The following GOLPH3 variants were observed in gnomAD, a reference collection of about 807,000 sequenced individuals.
GOLPH3 encodes coat protein GPP34.
Under a neutral mutation model 28.5 loss-of-function variants are expected in GOLPH3, and 14 were observed. That is an observed-to-expected ratio of 0.49 (90% CI 0.32 to 0.77). The LOEUF (loss-of-function observed/expected upper bound fraction) is 0.77, where lower values mean the gene tolerates loss of function less well. GOLPH3 is among the 30% of genes least tolerant of loss of function. GOLPH3 has a pLI of 0.03. For missense variants in GOLPH3, 350 were observed against 393.7 expected (o/e 0.89, Z 0.94); for synonymous variants, 158 against 159.2 (o/e 0.99, Z 0.06).
chr5:32,155,975 A>T, intron 1 of GOLPH3, among the ~76,000 whole-genome samples: 1 of 125,808 alleles, frequency 7.9e-6, no homozygotes, highest in Admixed American at 7.3e-5. Context: ...AAAAAAAAAA[A>T]AAAAAAAAAA....
chr5:32,163,846 G>A (rs997052370), intron 1 of GOLPH3, among the ~76,000 whole-genome samples: 1 of 152,084 alleles, frequency 6.6e-6, no homozygotes, highest in African/African-American at 2.4e-5. Context: ...TTCAGTGACT[G>A]AACTGAAATT....
At chr5:32,142,968 G>A (rs1045778029) in intron 2 of GOLPH3, among the ~76,000 whole-genome samples, 2 of 152,178 alleles carry the variant, frequency 1.3e-5, no homozygotes, top group Non-Finnish European at 2.9e-5. Flanking sequence ...AGCTCACTGA[G>A]AACGGGCCAT....
intron 1 of GOLPH3, among the ~76,000 whole-genome samples, chr5:32,169,796 C>A (rs1581560224): frequency 6.6e-6 from 1 of 152,160 alleles, no homozygotes. Flanking sequence ...TGTAAACTAT[C>A]TGCCATCCTT....
At chr5:32,131,711 C>G (rs537552650) in intron 3 of GOLPH3, among the ~76,000 whole-genome samples, 1 of 152,108 alleles carries the variant, frequency 6.6e-6, no homozygotes, top group African/African-American at 2.4e-5. Flanking sequence ...GAAGTAAATA[C>G]GGAGAGGAAA....
chr5:32,149,733 A>G (rs1230118969), intron 1 of GOLPH3, among the ~76,000 whole-genome samples: 3 of 152,238 alleles, frequency 2.0e-5, no homozygotes, highest in Admixed American at 2.0e-4. Context: ...ACTGTGGCTC[A>G]CGCCTGTAAT....
chr5:32,153,541 A>G (rs1296400708), intron 1 of GOLPH3, among the ~76,000 whole-genome samples: 1 of 152,220 alleles, frequency 6.6e-6, no homozygotes. Flanking sequence ...TAATAAAAAT[A>G]CTACAAAGAA....
intron 2 of GOLPH3, among the ~76,000 whole-genome samples, chr5:32,139,933 G>A (rs1746019429): frequency 6.6e-6 from 1 of 152,102 alleles, no homozygotes; most frequent in African/African-American, 2.4e-5. Flanking sequence ...AAACAGGAGA[G>A]TCACAATAAA....
chr5:32,154,492 G>A (rs1746375466), intron 1 of GOLPH3, among the ~76,000 whole-genome samples: 1 of 152,182 alleles, frequency 6.6e-6, no homozygotes, highest in Non-Finnish European at 1.5e-5. Flanking sequence ...CTCTCTAGTG[G>A]TGACAAACTC....
chr5:32,156,294 T>C (rs992452280), intron 1 of GOLPH3, among the ~76,000 whole-genome samples: 4 of 152,016 alleles, frequency 2.6e-5, no homozygotes, highest in Admixed American at 2.0e-4. Flanking sequence ...GGTCAGGAGT[T>C]TGAGACTAGC....
At chr5:32,145,727 C>T (rs901865685) in intron 1 of GOLPH3, among the ~76,000 whole-genome samples, 2 of 152,142 alleles carry the variant, frequency 1.3e-5, no homozygotes, top group Non-Finnish European at 2.9e-5. Context: ...GAGATATTAG[C>T]AAAATGGGGT....
chr5:32,145,379 A>G (rs1391227026), intron 1 of GOLPH3, among the ~76,000 whole-genome samples: 1 of 152,258 alleles, frequency 6.6e-6, no homozygotes, highest in African/African-American at 2.4e-5. Flanking sequence ...CCAGAGATTT[A>G]GCAAAGTGGC....
chr5:32,158,011 AAAT>A (rs1484213745), intron 1 of GOLPH3, among the ~76,000 whole-genome samples: 1,312 of 88,234 alleles, frequency 0.015, 139 homozygotes, highest in African/African-American at 0.067. Context: ...ATAAATAAAT[AAAT>A]AAATAAAATA....
At chr5:32,139,564 C>A (rs1010162765) in intron 2 of GOLPH3, among the ~76,000 whole-genome samples, 6 of 152,250 alleles carry the variant, frequency 3.9e-5, no homozygotes, top group African/African-American at 1.4e-4. Flanking sequence ...TGGCATTCCA[C>A]TGCTTCTGCT....
intron 2 of GOLPH3, among the ~76,000 whole-genome samples, chr5:32,142,800 C>G (rs1298918187): frequency 1.4e-5 from 2 of 147,520 alleles, no homozygotes; most frequent in Non-Finnish European, 3.0e-5. Context: ...CTCTGTCCGG[C>G]CAGCTGCCCC....
intron 1 of GOLPH3, among the ~76,000 whole-genome samples, chr5:32,144,401 G>A (rs559690896): frequency 7.2e-5 from 11 of 152,290 alleles, no homozygotes; most frequent in African/African-American, 2.4e-4. Flanking sequence ...GACCAGACTG[G>A]ACAACATAGT....
At chr5:32,142,208 T>C (rs1193378400) in intron 2 of GOLPH3, among the ~76,000 whole-genome samples, 1 of 149,470 alleles carries the variant, frequency 6.7e-6, no homozygotes, top group African/African-American at 2.5e-5. Context: ...GGAGCGTCTC[T>C]GCCCGGCCGC....
chr5:32,151,064 G>C (rs888662224), intron 1 of GOLPH3, among the ~76,000 whole-genome samples: 3 of 152,058 alleles, frequency 2.0e-5, no homozygotes, highest in Admixed American at 2.0e-4. Flanking sequence ...ATCTGGGAGT[G>C]AAAGAAAAAA....
chr5:32,130,642 G>T (rs529234338), intron 3 of GOLPH3, among the ~76,000 whole-genome samples: 1 of 152,076 alleles, frequency 6.6e-6, no homozygotes, highest in Non-Finnish European at 1.5e-5. Flanking sequence ...GTCAAGAAAC[G>T]AATTATTCTG....
chr5:32,159,116 T>C (rs577262457), intron 1 of GOLPH3, among the ~76,000 whole-genome samples: 1 of 152,356 alleles, frequency 6.6e-6, no homozygotes, highest in South Asian at 2.1e-4. Flanking sequence ...TTCCAAGACC[T>C]GTTTATTTAA....
Sources: allele counts gnomAD v4.1 joint callset (sites outside exome capture counted in the v4.1 genomes callset), GRCh38; gene constraint gnomAD v4.1.1; transcripts MANE v1.5; gene names NCBI Gene and HGNC (gene_info 2026-07-23, HGNC 2026-07-21).